The following ANKUB1 variants were observed in gnomAD, a reference collection of about 807,000 sequenced individuals.
The protein encoded by ANKUB1 is ankyrin repeat and ubiquitin domain containing 1, also known as protein ANKUB1.
A neutral mutation model predicts 49.3 loss-of-function variants in ANKUB1; 42 were observed. That is an observed-to-expected ratio of 0.85 (90% CI 0.67 to 1.10). The LOEUF (loss-of-function observed/expected upper bound fraction) is 1.10. ANKUB1 is among the 50% of genes least tolerant of loss of function. ANKUB1 has a pLI of 0.00. For missense variants in ANKUB1, 613 were observed against 642.0 expected (o/e 0.95, Z 0.49); for synonymous variants, 222 against 231.0 (o/e 0.96, Z 0.35).
At position 149,792,444 on chromosome 3, in the gene ANKUB1, A is replaced by C; in HGVS notation, c.-78T>G. 1.8e-6 allele frequency: 2 copies of C among 1,127,402 alleles called. No individual in the cohort carries two copies. The highest frequency in any genetic ancestry group is 3.8e-5 in the South Asian group (2 of 52,866). The allele number at this position is 1,127,402 out of a possible 1,614,324, so 69.8% of individuals were successfully genotyped here. A position where few individuals can be genotyped will look rare whatever the true frequency, so the allele number is the denominator to read the frequency against. On this transcript the variant is annotated 5_prime_UTR_variant, in exon 1 of 6. Transcript: ENST00000446160. ...TGGATGGCTAGAAAAATTCCGGTTCACAATTAAGGACAAAAATGATAGCCA... is the reference window on the plus strand; with the variant it reads ...TGGATGGCTAGAAAAATTCCGGTTCCCAATTAAGGACAAAAATGATAGCCA...
At chr3:149,769,325 C>A (rs1717220525) in intron 4 of ANKUB1, among the ~76,000 whole-genome samples, 1 of 152,180 alleles carries the variant, frequency 6.6e-6, no homozygotes, top group South Asian at 2.1e-4. Flanking sequence ...CCCAGCTATA[C>A]CCGTTACACT....
At chr3:149,779,580 A>G (rs1375154396) in intron 3 of ANKUB1, 45 of 152,436 alleles carry the variant, frequency 3.0e-4, no homozygotes, top group Admixed American at 2.9e-3. Context: ...ACATTGTTAA[A>G]AAGATTATTT....
intron 5 of ANKUB1, among the ~76,000 whole-genome samples, chr3:149,762,793 T>A (rs969057291): frequency 1.3e-5 from 2 of 152,192 alleles, no homozygotes; most frequent in African/African-American, 4.8e-5. Flanking sequence ...ACAAGATGCT[T>A]CTTAGTGTAG....
At chr3:149,775,905 G>A (rs1484059611) in intron 3 of ANKUB1, among the ~76,000 whole-genome samples, 3 of 143,518 alleles carry the variant, frequency 2.1e-5, no homozygotes, top group East Asian at 1.9e-4. Context: ...GTGTGTGTGC[G>A]TGTGTGTGTG....
Position 149,768,044 on chromosome 3 carries a change from T to A in ANKUB1, c.618A>T (p.Glu206Asp). 2 of 1,457,494 alleles carry A rather than the reference T, an allele frequency of 1.4e-6. No homozygotes were observed. The highest frequency in any genetic ancestry group is 1.8e-6 in the Non-Finnish European group (2 of 1,100,452). 90.3% of individuals were successfully genotyped at this position (1,457,494 alleles called of 1,614,324 possible). A position where few individuals can be genotyped will look rare whatever the true frequency, so the allele number is the denominator to read the frequency against. ...LYIAAFCGYI[E>D]LTEWALKQGA... ...CCTGCTTCAGGGCCCATTCAGTGAGTTCAATGTACCCACAAAAAGCAGCAA... is the reference window on the plus strand; with the variant it reads ...CCTGCTTCAGGGCCCATTCAGTGAGATCAATGTACCCACAAAAAGCAGCAA... The change falls in exon 5 of 6, where the codon GAA becomes GAT. Residue 206 changes from glutamate to aspartate, a missense_variant. Transcript: ENST00000446160.
At chr3:149,784,906 A>C (rs1269177612) in intron 2 of ANKUB1, among the ~76,000 whole-genome samples, 1 of 152,192 alleles carries the variant, frequency 6.6e-6, no homozygotes, top group Non-Finnish European at 1.5e-5. Context: ...CAATTCATTT[A>C]TTTAATACCT....
intron 2 of ANKUB1, among the ~76,000 whole-genome samples, chr3:149,784,224 A>G (rs962267905): frequency 6.6e-6 from 1 of 152,162 alleles, no homozygotes; most frequent in Non-Finnish European, 1.5e-5. Flanking sequence ...TGACCCCAGC[A>G]CTTGGTTGGT....
At position 149,770,820 on chromosome 3, in the gene ANKUB1, T is replaced by C. The variant is rs917579054; in HGVS notation, c.452-146A>G. The C allele has an allele frequency of 6.6e-6, 4 of 603,260 alleles. No individual in the cohort carries two copies. The African/African-American group carries it at 7.6e-5, about 11-fold the overall frequency. 37.4% of individuals were successfully genotyped at this position (603,260 alleles called of 1,614,324 possible). A position where few individuals can be genotyped will look rare whatever the true frequency, so the allele number is the denominator to read the frequency against. On this transcript the variant is annotated intron_variant, in intron 3 of 5. Transcript: ENST00000446160. ...CCTTGGAACAAGGAGACAGGGATGG[T>C]ATTTTTAGCATAGGCCATTATTGGC...
rs200339770 is a variant in ANKUB1 at position 149,761,497 on chromosome 3, T to C, written c.1622A>G (p.Glu541Gly). 2,099 of 1,551,410 alleles carry C rather than the reference T, an allele frequency of 1.4e-3. No individual in the cohort carries two copies. The highest frequency in any genetic ancestry group is 1.7e-3 in the Non-Finnish European group (1,942 of 1,146,748). The change falls in exon 6 of 6, where the codon GAA (glutamate) becomes GGA (glycine). Residue 541 changes from glutamate (E) to glycine (G), a missense_variant. Coordinates refer to ENST00000446160, the MANE Select transcript of ANKUB1 (RefSeq NM_001144960.3). ...TGTCATGACTTTTCAAAGCACAGTT[T>C]CTAGAGAGTTTTCACACGCTGTCAG... is the stretch of plus-strand genomic sequence containing the variant. The part of the protein sequence containing the change: ...GGLTACENSL[E>G]TVL
chr3:149,766,472 G>C (rs1433645439), intron 5 of ANKUB1, among the ~76,000 whole-genome samples: 1 of 152,104 alleles, frequency 6.6e-6, no homozygotes, highest in Non-Finnish European at 1.5e-5. Flanking sequence ...AAGAAGAAGA[G>C]GAAGACAAAG....
At chr3:149,777,495 AACAAC>A (rs1717654198) in intron 3 of ANKUB1, among the ~76,000 whole-genome samples, 1 of 151,822 alleles carries the variant, frequency 6.6e-6, no homozygotes, top group South Asian at 2.1e-4. Flanking sequence ...CAACAACAAC[AACAAC>A]AAAAAAACAC....
At chr3:149,786,954 C>T (rs1007287599) in intron 2 of ANKUB1, among the ~76,000 whole-genome samples, 2 of 152,160 alleles carry the variant, frequency 1.3e-5, no homozygotes, top group African/African-American at 4.8e-5. Flanking sequence ...GTACCAGTAC[C>T]ATGCTGTTTT....
rs1717041167 is a variant in ANKUB1, at chr3:149,766,819, GCA to G, written c.1505+336_1505+337del. 12 of 384,662 alleles carry G rather than the reference GCA, an allele frequency of 3.1e-5. 1 individual carries two copies. The African/African-American group carries it at 9.2e-4, about 30-fold the overall frequency. The allele number at this position is 384,662 out of a possible 1,614,324, so 23.8% of individuals were successfully genotyped here. A position where few individuals can be genotyped will look rare whatever the true frequency, so the allele number is the denominator to read the frequency against. ...TCTCAAACAAAAAGAAAAAAGAAAA[GCA>G]GCAGCAGCAGCAGCAGCAGCAGCAG... On this transcript the variant is annotated intron_variant, in intron 5 of 5. Transcript: ENST00000446160.
intron 5 of ANKUB1, chr3:149,766,546 T>C: frequency 2.8e-6 from 1 of 354,576 alleles, no homozygotes; most frequent in Non-Finnish European, 5.5e-6. Flanking sequence ...ATGCCTGTAA[T>C]CCCAGCACTT....
At position 149,790,807 on chromosome 3, in the gene ANKUB1, A is replaced by T; in HGVS notation, c.208T>A (p.Cys70Ser). 6.4e-7 allele frequency: 1 copy of T among 1,551,676 alleles called. No individual in the cohort carries two copies. The highest frequency in any genetic ancestry group is 8.7e-7 in the Non-Finnish European group (1 of 1,146,936). Reference sequence around the variant, plus strand: ...TTAACAAAGCATTTGAGAGTTGAACAGAAAGATATTCCAACATCAGCAAGA... The same window carrying T: ...TTAACAAAGCATTTGAGAGTTGAACTGAAAGATATTCCAACATCAGCAAGA... ...WSLADVGISF[C>S]STLKCFVKEE... Residue 70 changes from cysteine (C) to serine (S), a missense_variant, in exon 2 of 6, where the codon TGT (cysteine) becomes AGT (serine). Coordinates refer to ENST00000446160, the MANE Select transcript of ANKUB1 (RefSeq NM_001144960.3).
intron 5 of ANKUB1, 145 bp from the exon 6 acceptor site, chr3:149,761,758 T>C (rs1456110718): frequency 1.1e-6 from 1 of 926,402 alleles, no homozygotes; most frequent in Non-Finnish European, 1.5e-6. Flanking sequence ...GAAACAGTAA[T>C]CTTTCTAAAA....
chr3:149,770,658 C>T lies in ANKUB1; in HGVS notation c.468G>A (p.Leu156=). 2 of 1,548,176 alleles carry T rather than the reference C, an allele frequency of 1.3e-6. No homozygotes were observed. The highest frequency in any genetic ancestry group is 1.7e-6 in the Non-Finnish European group (2 of 1,145,176). The change falls in exon 4 of 6, where the codon TTG becomes TTA. Residue 156 remains leucine (L), a synonymous_variant. Transcript: ENST00000446160. ...YQTDIGTTLR[L]DVWDGWKEFL... ...ATTCCTTCCATCCATCCCAGACATC[C>T]AAGCGAAGTGTTGTGCCTGTGGATC...
chr3:149,769,165 G>A (rs1451349375), intron 4 of ANKUB1, among the ~76,000 whole-genome samples: 1 of 152,104 alleles, frequency 6.6e-6, no homozygotes, highest in African/African-American at 2.4e-5. Flanking sequence ...GTTGGCTTCT[G>A]CAAAACATGA....
intron 2 of ANKUB1, among the ~76,000 whole-genome samples, chr3:149,786,300 G>T (rs1002833811): frequency 2.6e-5 from 4 of 152,206 alleles, no homozygotes; most frequent in Admixed American, 2.6e-4. Context: ...CTCCCAAAGT[G>T]CTGGGATTAC....
Sources: gnomAD v4.1 joint callset for allele counts (sites outside exome capture counted in the v4.1 genomes callset) on GRCh38, gnomAD v4.1.1 for gene constraint, MANE v1.5 for transcripts, NCBI Gene and HGNC (gene_info 2026-07-23, HGNC 2026-07-21) for gene names.